NYAP2: variants seen among roughly 807,000 people sequenced by gnomAD.
The protein encoded by NYAP2 is neuronal tyrosine-phosphorylated phosphoinositide-3-kinase adaptor 2.
NYAP2 carries 23 observed loss-of-function variants against 50.4 expected under a neutral mutation model. That is an observed-to-expected ratio of 0.46 (90% confidence interval 0.33 to 0.65). NYAP2 has a LOEUF of 0.65. Ranked by LOEUF, NYAP2 falls within the 30% of genes least tolerant of loss-of-function variation. The pLI is 0.02. For missense variants in NYAP2, 885 were observed against 861.0 expected (o/e 1.03, Z -0.35); for synonymous variants, 394 against 365.2 (o/e 1.08, Z -0.90).
chr2:225,686,885 T>C, the NYAP2 span, among the ~76,000 whole-genome samples: 1 of 152,288 alleles, frequency 6.6e-6, no homozygotes, highest in South Asian at 2.1e-4. Context: ...CAAATTTTCA[T>C]TTATCCATCA....
At chr2:225,514,724 G>A (rs925851869) in intron 4 of NYAP2, among the ~76,000 whole-genome samples, 1 of 152,076 alleles carries the variant, frequency 6.6e-6, no homozygotes, top group African/African-American at 2.4e-5. Context: ...TCTTTACATA[G>A]CAAATGTGGA....
the NYAP2 span, chr2:225,701,290 T>C: frequency 6.6e-6 from 1 of 151,792 alleles, no homozygotes; most frequent in Admixed American, 6.6e-5. Flanking sequence ...AGCCTACAGA[T>C]AGCCAGAACA....
intron 4 of NYAP2, among the ~76,000 whole-genome samples, chr2:225,559,580 T>G (rs570939198): frequency 6.6e-6 from 1 of 152,140 alleles, no homozygotes; most frequent in Non-Finnish European, 1.5e-5. Flanking sequence ...TGTAGGACAC[T>G]CTCCTCAGGA....
chr2:225,514,983 T>C (rs1690901812), intron 4 of NYAP2, among the ~76,000 whole-genome samples: 1 of 152,194 alleles, frequency 6.6e-6, no homozygotes, highest in Non-Finnish European at 1.5e-5. Context: ...TTCCACAGAT[T>C]CTCATAGGCA....
chr2:225,532,374 T>C (rs1472746525), intron 4 of NYAP2, among the ~76,000 whole-genome samples: 3 of 152,232 alleles, frequency 2.0e-5, no homozygotes, highest in Non-Finnish European at 2.9e-5. Flanking sequence ...ATAGCTGCAC[T>C]AACAGTTTCT....
At chr2:225,643,872 T>G (rs1290980687) in intron 6 of NYAP2, among the ~76,000 whole-genome samples, 1 of 151,132 alleles carries the variant, frequency 6.6e-6, no homozygotes, top group African/African-American at 2.4e-5. Context: ...GTTCCAAGTC[T>G]TTGCTATTGT....
At chr2:225,606,217 G>T (rs1003417081) in intron 5 of NYAP2, among the ~76,000 whole-genome samples, 3 of 152,106 alleles carry the variant, frequency 2.0e-5, no homozygotes, top group Non-Finnish European at 2.9e-5. Flanking sequence ...TAACCCCAAA[G>T]ATGATTCTGT....
At chr2:225,476,559 T>C (rs1177110123) in intron 3 of NYAP2, among the ~76,000 whole-genome samples, 3 of 152,182 alleles carry the variant, frequency 2.0e-5, no homozygotes, top group Non-Finnish European at 4.4e-5. Flanking sequence ...AAATATATAT[T>C]TTATGACACA....
At chr2:225,454,980 G>C (rs1689717303) in intron 3 of NYAP2, among the ~76,000 whole-genome samples, 2 of 152,110 alleles carry the variant, frequency 1.3e-5, no homozygotes, top group South Asian at 4.1e-4. Context: ...ATGGGAAAGA[G>C]GGAGGCAAAA....
chr2:225,554,321 CTTTT>C (rs751259949), intron 4 of NYAP2, among the ~76,000 whole-genome samples: 3 of 131,626 alleles, frequency 2.3e-5, no homozygotes, highest in Admixed American at 7.7e-5. Flanking sequence ...AAACATTTAT[CTTTT>C]TTTTTTTTTT....
chr2:225,580,695 A>C (rs1185848917), intron 4 of NYAP2, among the ~76,000 whole-genome samples: 1 of 152,162 alleles, frequency 6.6e-6, no homozygotes, highest in Non-Finnish European at 1.5e-5. Flanking sequence ...ACAGCCATCT[A>C]GCTTATCCTT....
At chr2:225,570,932 A>G (rs2198617) in intron 4 of NYAP2, among the ~76,000 whole-genome samples, 145,175 of 152,332 alleles carry the variant, frequency 0.95, 69,277 homozygotes, top group Middle Eastern at 0.99. Context: ...ATACAATGGG[A>G]TTACAGGCAT....
intron 6 of NYAP2, among the ~76,000 whole-genome samples, chr2:225,648,123 C>T (rs769751198): frequency 1.3e-5 from 2 of 152,156 alleles, no homozygotes; most frequent in Non-Finnish European, 2.9e-5. Context: ...GCCTCGGCCT[C>T]ATGAGTAGCT....
exon 1 of NYAP2, chr2:225,399,746 T>G (rs1574594081): frequency 6.6e-6 from 1 of 151,846 alleles, no homozygotes. Context: ...GCAGGGAGGG[T>G]GGAGGCAAAA....
the NYAP2 span, chr2:225,703,259 G>A: frequency 1.3e-5 from 2 of 151,644 alleles, no homozygotes; most frequent in African/African-American, 4.8e-5. Context: ...GGTTTTTAAA[G>A]AAAACCATTT....
intron 5 of NYAP2, among the ~76,000 whole-genome samples, chr2:225,622,727 C>T (rs1432492859): frequency 2.6e-5 from 4 of 151,698 alleles, no homozygotes; most frequent in African/African-American, 9.7e-5. Context: ...TTACAGACAC[C>T]TGCCACTACG....
chr2:225,674,512 A>C, the NYAP2 span, among the ~76,000 whole-genome samples: 5 of 152,032 alleles, frequency 3.3e-5, no homozygotes, highest in Non-Finnish European at 4.4e-5. Context: ...GAGGGGCAGA[A>C]GTGTGTTAAG....
intron 5 of NYAP2, among the ~76,000 whole-genome samples, chr2:225,619,150 A>G (rs1254540692): frequency 6.6e-6 from 1 of 152,268 alleles, no homozygotes; most frequent in Non-Finnish European, 1.5e-5. Context: ...ATCTCATTTA[A>G]TCTTCACAGG....
At chr2:225,667,960 A>G in the NYAP2 span, among the ~76,000 whole-genome samples, 1 of 152,202 alleles carries the variant, frequency 6.6e-6, no homozygotes, top group Middle Eastern at 3.2e-3. Flanking sequence ...TCAAACTCAA[A>G]AAAGCAGTCA....
Sources: gnomAD v4.1 joint callset for allele counts (sites outside exome capture counted in the v4.1 genomes callset) on GRCh38, gnomAD v4.1.1 for gene constraint, MANE v1.5 for transcripts, NCBI Gene and HGNC (gene_info 2026-07-23, HGNC 2026-07-21) for gene names.